SATB2: variants seen among roughly 807,000 people sequenced by gnomAD.
SATB2 encodes DNA-binding protein SATB2.
Under a neutral mutation model 73.4 loss-of-function variants are expected in SATB2, and 1 was observed. That is an observed-to-expected ratio of 0.01 (90% CI 0.00 to 0.06). The LOEUF is 0.06. Among genes scored for constraint, SATB2 ranks in the 10% least tolerant of loss-of-function variants. SATB2 has a pLI of 1.00. For missense variants in SATB2, 459 were observed against 945.8 expected (o/e 0.49, Z 6.75); for synonymous variants, 397 against 367.0 (o/e 1.08, Z -0.93).
At chr2:199,470,960 C>A (rs11903878) in intron 1 of SATB2, 6 of 152,440 alleles carry the variant, frequency 3.9e-5, no homozygotes, top group Non-Finnish European at 7.3e-5. Flanking sequence ...ACCCAAGACG[C>A]GGGAGAGAAG....
chr2:199,458,357 G>T, upstream of SATB2: 1 of 282,588 alleles, frequency 3.5e-6, no homozygotes, highest in Non-Finnish European at 7.0e-6. Flanking sequence ...GTGGGAGGCA[G>T]GGAGGAGGGA....
In SATB2 at chr2:199,455,746, G is replaced by T; in HGVS notation, c.169+123C>A. Reference sequence around the variant, plus strand: ...ATGAGAGGCGACGGGGGCATTATTTGGCAACCTGGAATTCACTTCCTGTAA... The same window carrying T: ...ATGAGAGGCGACGGGGGCATTATTTTGCAACCTGGAATTCACTTCCTGTAA... On this transcript the variant is annotated intron_variant, in intron 2 of 10. Coordinates refer to ENST00000417098, the MANE Select transcript of SATB2 (RefSeq NM_001172509.2). The surrounding 1 kb of genome is among the most constrained non-coding windows in gnomAD (Gnocchi z 4.1). 1 of 1,121,548 alleles carries T rather than the reference G, an allele frequency of 8.9e-7. No individual in the cohort carries two copies. The highest frequency in any genetic ancestry group is 1.3e-6 in the Non-Finnish European group (1 of 780,346). 69.5% of individuals were successfully genotyped at this position (1,121,548 alleles called of 1,614,324 possible).
chr2:199,363,076 C>A (rs995382087), intron 6 of SATB2, among the ~76,000 whole-genome samples: 2 of 152,154 alleles, frequency 1.3e-5, no homozygotes, highest in Non-Finnish European at 2.9e-5. Flanking sequence ...TACAGTACAG[C>A]TGGAATGAGC....
intron 9 of SATB2, 57 bp downstream of exon 9, chr2:199,323,746 A>G: frequency 6.7e-7 from 1 of 1,498,654 alleles, no homozygotes; most frequent in Non-Finnish European, 9.3e-7. Flanking sequence ...TTATTGGTGG[A>G]GGAAGGAGAA....
intron 9 of SATB2, among the ~76,000 whole-genome samples, chr2:199,322,407 T>C (rs1245750605): frequency 6.6e-6 from 1 of 152,200 alleles, no homozygotes; most frequent in Non-Finnish European, 1.5e-5. Flanking sequence ...ACTCTCATTA[T>C]ATTTTGCCAT....
At chr2:199,445,573 C>T (rs900843110) in intron 2 of SATB2, among the ~76,000 whole-genome samples, 18 of 152,120 alleles carry the variant, frequency 1.2e-4, no homozygotes, top group Admixed American at 3.3e-4. Flanking sequence ...GCTTAAGGCT[C>T]AAACTTGCCA....
chr2:199,450,926 G>C (rs1375890736), intron 2 of SATB2, among the ~76,000 whole-genome samples: 1 of 151,968 alleles, frequency 6.6e-6, no homozygotes, highest in African/African-American at 2.4e-5. Context: ...CTTCTCTACA[G>C]AGATAGATTG....
Position 199,306,691 on chromosome 2 carries a change from C to T in SATB2, c.1740+2069G>A, listed in dbSNP as rs960122529. Among the ~76,000 whole-genome samples, 10 of 152,118 alleles carry T rather than the reference C, an allele frequency of 6.6e-5. No homozygotes were observed. The South Asian group carries it at 2.1e-3, about 32-fold the overall frequency. ...CTGTCTGCTTCTAAGATTTACTGTA[C>T]TCAAACTGGCCAACTATAAGACAAA... On this transcript the variant is annotated intron_variant, in intron 10 of 10. Transcript: ENST00000417098.
At position 199,462,985 on chromosome 2, in the gene SATB2, T is replaced by C. The variant is rs1336175588; in HGVS notation, c.-141+1851A>G. On this transcript the variant is annotated intron_variant, in intron 1 of 11. Transcript: ENST00000260926. This position sits in a 1 kb window ranked among gnomAD's most constrained non-coding sequence, Gnocchi z 5.9. ...GCACTGGGCTTCCCGGGGTAGGAGA[T>C]GGGCGTCGGGTGTGGGCACTGCCTG... 1.3e-5 allele frequency among the ~76,000 whole-genome samples: 2 copies of C among 152,110 alleles called. No individual in the cohort carries two copies. The highest frequency in any genetic ancestry group is 2.9e-5 in the Non-Finnish European group (2 of 68,010).
intron 3 of SATB2, among the ~76,000 whole-genome samples, chr2:199,421,748 T>C (rs577912227): frequency 1.3e-4 from 20 of 152,322 alleles, no homozygotes; most frequent in South Asian, 4.1e-4. Flanking sequence ...AATGTCTTTA[T>C]AGCCTTCTTC....
intron 3 of SATB2, among the ~76,000 whole-genome samples, chr2:199,420,828 TATACTTATTGTATACTTATTTA>T (rs1691143102): frequency 6.6e-6 from 1 of 152,232 alleles, no homozygotes; most frequent in Non-Finnish European, 1.5e-5. Flanking sequence ...ATCTCATTTG[TATACTTATTGTATACTTATTTA>T]ATTATGAAAC....
chr2:199,382,295 T>C, intron 3 of SATB2, among the ~76,000 whole-genome samples: 1 of 152,168 alleles, frequency 6.6e-6, no homozygotes, highest in Admixed American at 6.5e-5. Context: ...GCGAACAGCA[T>C]TTGGAGCTCA....
chr2:199,438,954 G>T (rs1263752411), intron 2 of SATB2, among the ~76,000 whole-genome samples: 1 of 152,236 alleles, frequency 6.6e-6, no homozygotes, highest in Non-Finnish European at 1.5e-5. Flanking sequence ...CTGCTTTCCT[G>T]AGAGTTGAAA....
intron 5 of SATB2, among the ~76,000 whole-genome samples, chr2:199,369,805 T>A (rs1186668744): frequency 6.6e-6 from 1 of 152,144 alleles, no homozygotes; most frequent in Non-Finnish European, 1.5e-5. Flanking sequence ...CAGACAGACC[T>A]TCATAAACTC....
At chr2:199,432,970 C>A (rs1340181114) in intron 3 of SATB2, among the ~76,000 whole-genome samples, 1 of 151,950 alleles carries the variant, frequency 6.6e-6, no homozygotes, top group African/African-American at 2.4e-5. Context: ...AAGCCACAGG[C>A]CCAAAGCAAT....
At chr2:199,321,273 G>A (rs939266015) in intron 9 of SATB2, among the ~76,000 whole-genome samples, 2 of 151,584 alleles carry the variant, frequency 1.3e-5, no homozygotes, top group African/African-American at 2.4e-5. Context: ...TCCATAAGGT[G>A]TATGTATGTG....
At chr2:199,345,571 T>C (rs1259808778) in intron 7 of SATB2, among the ~76,000 whole-genome samples, 1 of 152,192 alleles carries the variant, frequency 6.6e-6, no homozygotes, top group Non-Finnish European at 1.5e-5. Flanking sequence ...ATTCCCTTCA[T>C]AATTACACCT....
intron 5 of SATB2, among the ~76,000 whole-genome samples, chr2:199,375,512 G>T (rs953143225): frequency 1.3e-5 from 2 of 152,100 alleles, no homozygotes; most frequent in Admixed American, 1.3e-4. Flanking sequence ...GCACTTTTAT[G>T]GACTTCTCCA....
intron 5 of SATB2, among the ~76,000 whole-genome samples, chr2:199,378,769 C>T (rs1689677712): frequency 6.6e-6 from 1 of 152,164 alleles, no homozygotes; most frequent in Non-Finnish European, 1.5e-5. Flanking sequence ...TTAGGCCAAG[C>T]ATTTTATGTA....
Sources: allele counts gnomAD v4.1 joint callset (sites outside exome capture counted in the v4.1 genomes callset), GRCh38; gene constraint gnomAD v4.1.1; non-coding constraint Gnocchi (gnomAD v3.1); transcripts MANE v1.5; gene names NCBI Gene and HGNC (gene_info 2026-07-23, HGNC 2026-07-21).